Variants in RALGPS1 observed in about 807,000 individuals in gnomAD.
The protein encoded by RALGPS1 is ras-specific guanine nucleotide-releasing factor RalGPS1.
In RALGPS1, 19 loss-of-function variants were observed where a neutral mutation model predicts 78.8. The observed-to-expected ratio is 0.24, with a 90% CI of 0.17 to 0.35. The LOEUF is 0.35. Among genes scored for constraint, RALGPS1 ranks in the 10% least tolerant of loss-of-function variants. The pLI is 1.00. For synonymous variants in RALGPS1, 228 were observed against 256.3 expected (o/e 0.89, Z 1.06); for missense variants, 454 against 688.3 (o/e 0.66, Z 3.81).
chr9:126,934,325 G>A (rs1467466706), intron 1 of RALGPS1, among the ~76,000 whole-genome samples: 2 of 152,352 alleles, frequency 1.3e-5, no homozygotes, highest in South Asian at 2.1e-4. Context: ...TGTTTGGAAA[G>A]AGATGTGCTG....
intron 4 of RALGPS1, among the ~76,000 whole-genome samples, chr9:127,009,047 C>T (rs2044112389): frequency 6.6e-6 from 1 of 152,208 alleles, no homozygotes; most frequent in African/African-American, 2.4e-5. Flanking sequence ...ATTTTTGTCA[C>T]ATATACCATT....
rs921793470 is a variant in RALGPS1 at position 127,222,864 on chromosome 9, C to A, written c.*4095C>A. On this transcript the variant is annotated 3_prime_UTR_variant, in exon 19 of 19. Transcript: ENST00000259351. Reference sequence around the variant, plus strand: ...GAAAATCAGTTTCTACATTTTAATTCGTTTCCTGTTAAATCTGTTGCACTC... The same window carrying A: ...GAAAATCAGTTTCTACATTTTAATTAGTTTCCTGTTAAATCTGTTGCACTC... The A allele has an allele frequency of 6.6e-6, 1 of 152,526 alleles. No homozygotes were observed. Among genetic ancestry groups the A allele is most frequent in the South Asian group, 2.1e-4 (1 of 4,824 alleles). The allele number at this position is 152,526 out of a possible 1,614,324, so 9.4% of individuals were successfully genotyped here. A position where few individuals can be genotyped will look rare whatever the true frequency, so the allele number is the denominator to read the frequency against.
chr9:127,055,608 C>A (rs2048675904), intron 7 of RALGPS1, among the ~76,000 whole-genome samples: 1 of 152,144 alleles, frequency 6.6e-6, no homozygotes. Context: ...GATGAGGAAA[C>A]AGACACAGAA....
At chr9:127,111,192 G>A (rs936656087) in intron 8 of RALGPS1, among the ~76,000 whole-genome samples, 3 of 151,916 alleles carry the variant, frequency 2.0e-5, no homozygotes, top group Non-Finnish European at 4.4e-5. Flanking sequence ...ATACTTGCTG[G>A]TCCCTGCCCC....
chr9:127,142,088 TC>T (rs1050720931), intron 8 of RALGPS1, among the ~76,000 whole-genome samples: 2 of 152,212 alleles, frequency 1.3e-5, no homozygotes, highest in African/African-American at 4.8e-5. Flanking sequence ...TTTGGAACAT[TC>T]TGGGAGAAAA....
intron 4 of RALGPS1, among the ~76,000 whole-genome samples, chr9:127,017,531 T>C (rs1022749679): frequency 1.3e-5 from 2 of 152,194 alleles, no homozygotes; most frequent in African/African-American, 4.8e-5. Flanking sequence ...AACTGTAGAC[T>C]TTATAAATGC....
At chr9:126,936,738 T>A (rs2131311606) in intron 1 of RALGPS1, among the ~76,000 whole-genome samples, 1 of 152,200 alleles carries the variant, frequency 6.6e-6, no homozygotes, top group East Asian at 1.9e-4. Context: ...AAACATTTAT[T>A]AAATGTACCT....
chr9:127,094,998 G>C (rs1243283164), intron 8 of RALGPS1, among the ~76,000 whole-genome samples: 1 of 152,204 alleles, frequency 6.6e-6, no homozygotes, highest in Non-Finnish European at 1.5e-5. Context: ...GGACAGGCTG[G>C]GGCCTTTCTC....
At chr9:127,023,524 A>G (rs1224761091) in intron 4 of RALGPS1, among the ~76,000 whole-genome samples, 1 of 151,328 alleles carries the variant, frequency 6.6e-6, no homozygotes, top group African/African-American at 2.4e-5. Context: ...GTTTCACTGC[A>G]GCTGGTCTTC....
intron 11 of RALGPS1, among the ~76,000 whole-genome samples, chr9:127,175,677 CTT>C (rs11354346): frequency 0.01 from 1,127 of 109,040 alleles, 13 homozygotes; most frequent in African/African-American, 0.036. Flanking sequence ...TTTGGGCCTC[CTT>C]TTTTTTTTTT....
intron 5 of RALGPS1, 149 bp downstream of exon 5, chr9:127,034,663 T>G: frequency 1.4e-6 from 1 of 694,760 alleles, no homozygotes. Flanking sequence ...TTATCCAGTT[T>G]TGTGCCATTA....
intron 4 of RALGPS1, among the ~76,000 whole-genome samples, chr9:127,030,111 C>T (rs1317121123): frequency 6.6e-6 from 1 of 152,252 alleles, no homozygotes; most frequent in East Asian, 1.9e-4. Context: ...GGCAGCTGGT[C>T]AGATACCCCT....
intron 1 of RALGPS1, among the ~76,000 whole-genome samples, chr9:126,920,230 A>C (rs776472941): frequency 5.3e-5 from 8 of 152,120 alleles, no homozygotes; most frequent in Non-Finnish European, 1.2e-4. Flanking sequence ...ATTCTTATTT[A>C]TACGTCACCA....
At chr9:127,096,893 A>C (rs1187414416) in intron 8 of RALGPS1, among the ~76,000 whole-genome samples, 1 of 152,142 alleles carries the variant, frequency 6.6e-6, no homozygotes, top group Non-Finnish European at 1.5e-5. Flanking sequence ...GACCCTCCTG[A>C]CACTCCTGTG....
In RALGPS1 at chr9:127,043,551, A is replaced by G. The variant is rs113812955; in HGVS notation, c.301-6492A>G. Among the ~76,000 whole-genome samples the G allele has an allele frequency of 3.3e-3, 506 of 152,340 alleles. 3 individuals carry two copies. The highest frequency in any genetic ancestry group is 0.011 in the African/African-American group (478 of 41,580). ...AACCTGTATGACCTTGGATTTGTTA[A>G]TGAGTTATCAGATAAAACACCAAAA... is the stretch of plus-strand genomic sequence containing the variant. On this transcript the variant is annotated intron_variant, in intron 5 of 18. Transcript: ENST00000259351.
intron 5 of RALGPS1, among the ~76,000 whole-genome samples, chr9:127,041,070 TA>T (rs2047269630): frequency 6.6e-6 from 1 of 151,124 alleles, no homozygotes; most frequent in African/African-American, 2.5e-5. Flanking sequence ...TGTGTGTATG[TA>T]CTAAAGTTTT....
chr9:127,018,675 A>ATAG (rs914297042), intron 4 of RALGPS1, among the ~76,000 whole-genome samples: 79 of 150,884 alleles, frequency 5.2e-4, no homozygotes, highest in African/African-American at 1.9e-3. Flanking sequence ...AATAATAATA[A>ATAG]TAATAACGAT....
chr9:127,069,311 G>C lies in RALGPS1; in HGVS notation c.565G>C (p.Glu189Gln). Reference sequence around the variant, plus strand: ...AGAAGATAATTACAAGCGGACACGGGAATATATCCGAAGCCTGAAGATGGT... The same window carrying C: ...AGAAGATAATTACAAGCGGACACGGCAATATATCCGAAGCCTGAAGATGGT... ...SKEDNYKRTR[E>Q]YIRSLKMVPS... The change falls in exon 8 of 19, where the codon GAA (glutamate) becomes CAA (glutamine). Residue 189 changes from glutamate to glutamine, a missense_variant. By Grantham distance (29) the Glu-to-Gln change is conservative (BLOSUM62 2). Transcript: ENST00000259351. 6.2e-7 allele frequency: 1 copy of C among 1,613,988 alleles called. No individual in the cohort carries two copies. Among genetic ancestry groups the C allele is most frequent in the Non-Finnish European group, 8.5e-7 (1 of 1,179,858 alleles).
rs1030707665 is a variant in RALGPS1, at chr9:127,183,165, C to A, written c.910+8383C>A. Reference sequence around the variant, plus strand: ...AAGGATCCGCCCCCGACCCAGTCACCCCACCAGGCCTCGCCTCCAACACTG... The same window carrying A: ...AAGGATCCGCCCCCGACCCAGTCACACCACCAGGCCTCGCCTCCAACACTG... On this transcript the variant is annotated intron_variant, in intron 11 of 18. Coordinates refer to ENST00000259351, the MANE Select transcript of RALGPS1 (RefSeq NM_014636.3). The surrounding 1 kb of genome is among the most constrained non-coding windows in gnomAD (Gnocchi z 4.0). 1.4e-5 allele frequency among the ~76,000 whole-genome samples: 2 copies of A among 146,748 alleles called. No individual in the cohort carries two copies. The highest frequency in any genetic ancestry group is 1.4e-4 in the Admixed American group (2 of 13,938).
Sources: allele counts gnomAD v4.1 joint callset (sites outside exome capture counted in the v4.1 genomes callset), GRCh38; gene constraint gnomAD v4.1.1; non-coding constraint Gnocchi (gnomAD v3.1); transcripts MANE v1.5; gene names NCBI Gene and HGNC (gene_info 2026-07-23, HGNC 2026-07-21).